Variants in INO80D observed in about 807,000 individuals in gnomAD.
INO80D encodes INO80 complex subunit D.
A neutral mutation model predicts 87.6 loss-of-function variants in INO80D; 21 were observed. That is an observed-to-expected ratio of 0.24 (90% CI 0.17 to 0.35). The LOEUF (loss-of-function observed/expected upper bound fraction) is 0.35. Ranked by LOEUF, INO80D falls within the 10% of genes least tolerant of loss-of-function variation. The pLI is 1.00. For synonymous variants in INO80D, 440 were observed against 491.0 expected, an observed-to-expected ratio of 0.90 and a Z score of 1.37; for missense variants, 982 against 1,280.7, an observed-to-expected ratio of 0.77 and a Z score of 3.56.
intron 5 of INO80D, among the ~76,000 whole-genome samples, chr2:206,037,494 A>C (rs1270036896): frequency 3.3e-4 from 50 of 152,228 alleles, no homozygotes; most frequent in Non-Finnish European, 4.4e-5. Flanking sequence ...CGTGATGAGA[A>C]ATATCCAACG....
chr2:206,084,331 G>A (rs1690375001), intron 1 of INO80D, among the ~76,000 whole-genome samples: 1 of 151,808 alleles, frequency 6.6e-6, no homozygotes, highest in Admixed American at 6.6e-5. Flanking sequence ...ACCCTTCTGA[G>A]TTGTAGCAAT....
At position 206,004,607 on chromosome 2, in the gene INO80D, G is replaced by A. The variant is rs761818867; in HGVS notation, c.2845C>T (p.Pro949Ser). The change falls in exon 11 of 11, where the codon CCA becomes TCA. Residue 949 changes from proline (P) to serine (S), a missense_variant. Physicochemically the swap from Pro to Ser is moderately conservative, Grantham distance 74 (BLOSUM62 -1). Coordinates refer to ENST00000403263, the MANE Select transcript of INO80D (RefSeq NM_017759.5). This position sits in a 1 kb window ranked among gnomAD's most constrained non-coding sequence, Gnocchi z 4.9. ...CCCATGCCACTGAAGCTGGTCTGTG[G>A]TAACCCCGGAAGCACACTGGAGCTG... ...PSSSSVLPGL[P>S]QTSFSGMGPS... is the part of the protein sequence containing the mutation. 9.9e-6 allele frequency: 16 copies of A among 1,612,716 alleles called. No individual in the cohort carries two copies. Among genetic ancestry groups the A allele is most frequent in the African/African-American group, 1.3e-5 (1 of 75,008 alleles).
chr2:206,037,794 C>G (rs1161786554), intron 5 of INO80D, among the ~76,000 whole-genome samples: 3 of 152,158 alleles, frequency 2.0e-5, no homozygotes, highest in Non-Finnish European at 4.4e-5. Flanking sequence ...GATAACAGCA[C>G]TATTCAGAAT....
chr2:206,007,125 G>T (rs1688047895), intron 10 of INO80D, among the ~76,000 whole-genome samples, 159 bp downstream of exon 10: 1 of 152,226 alleles, frequency 6.6e-6, no homozygotes, highest in African/African-American at 2.4e-5. Context: ...CTTATCTTCT[G>T]AAAGGGTTAA....
At chr2:206,045,866 C>T (rs1283740794) in intron 5 of INO80D, among the ~76,000 whole-genome samples, 2 of 152,142 alleles carry the variant, frequency 1.3e-5, no homozygotes, top group African/African-American at 4.8e-5. Flanking sequence ...CTCCACGTAG[C>T]CCCCCAAGGG....
chr2:206,023,680 T>TAAAA (rs55665575), intron 6 of INO80D, among the ~76,000 whole-genome samples: 2 of 101,502 alleles, frequency 2.0e-5, no homozygotes, highest in Non-Finnish European at 2.0e-5. Context: ...GAGACTCATC[T>TAAAA]AAAAAAAAAA....
chr2:206,056,077 C>G (rs748630615), intron 4 of INO80D, 121 bp downstream of exon 4: 5 of 946,530 alleles, frequency 5.3e-6, no homozygotes, highest in Non-Finnish European at 7.8e-6. Flanking sequence ...CACTGCACCA[C>G]TCTGCCTCAT....
rs558081103 is a variant in INO80D at position 206,055,101 on chromosome 2, G to A, written c.964+1097C>T. Among the ~76,000 whole-genome samples the A allele has an allele frequency of 1.1e-4, 17 of 152,302 alleles. No homozygotes were observed. In the South Asian group the frequency reaches 3.5e-3, roughly 32 times the overall value. ...GTATTTCCTGCCTGCTGAGAGGATT[G>A]AGGTATTCATTTGTTTATTGACTAT... On this transcript the variant is annotated intron_variant, in intron 4 of 10. Transcript: ENST00000403263.
chr2:206,034,575 G>C (rs1237444778), intron 5 of INO80D, among the ~76,000 whole-genome samples: 1 of 152,016 alleles, frequency 6.6e-6, no homozygotes, highest in African/African-American at 2.4e-5. Flanking sequence ...AGCAAAATTG[G>C]CATACAAGGG....
At chr2:206,076,450 C>A (rs2105907877) in intron 1 of INO80D, among the ~76,000 whole-genome samples, 2 of 152,096 alleles carry the variant, frequency 1.3e-5, no homozygotes, top group Non-Finnish European at 2.9e-5. Context: ...ATTTTAAGAA[C>A]CAAACATCTA....
chr2:206,006,682 CAAAA>C (rs141777082), intron 10 of INO80D, among the ~76,000 whole-genome samples: 2 of 97,168 alleles, frequency 2.1e-5, no homozygotes, highest in Non-Finnish European at 2.2e-5. Flanking sequence ...GACTCCATCT[CAAAA>C]AAAAAAAAAA....
In INO80D at chr2:206,062,900, G is replaced by A. The variant is rs936652971; in HGVS notation, c.117C>T (p.His39=). Residue 39 remains histidine (H), a synonymous_variant, in exon 3 of 11, where the codon CAC becomes CAT. Transcript: ENST00000403263. The surrounding 1 kb of genome is among the most constrained non-coding windows in gnomAD (Gnocchi z 4.6). The part of the protein sequence containing the change: ...RLNGYAFCIR[H]VLEDKTAPFK... ...AGGGGGCAGTCTTGTCCTCCAGAACGTGTCTGATACAGAAGGCGTAGCCGT... is the reference window on the plus strand; with the variant it reads ...AGGGGGCAGTCTTGTCCTCCAGAACATGTCTGATACAGAAGGCGTAGCCGT... 44 of 1,613,198 alleles carry A rather than the reference G, an allele frequency of 2.7e-5. No homozygotes were observed. Among genetic ancestry groups the A allele is most frequent in the Admixed American group, 5.0e-5 (3 of 59,718 alleles).
At chr2:206,032,255 C>T (rs189959043) in intron 5 of INO80D, among the ~76,000 whole-genome samples, 2 of 152,218 alleles carry the variant, frequency 1.3e-5, no homozygotes, top group African/African-American at 4.8e-5. Flanking sequence ...CAAAGCCCCT[C>T]TCTTTTGCAG....
At position 206,005,435 on chromosome 2, in the gene INO80D, C is replaced by T; in HGVS notation, c.2017G>A (p.Val673Ile). The stretch of plus-strand genomic sequence containing the variant: ...GGCACACCATCTGACTGGGCAAGGA[C>T]CCCAATGGTACTCAGGCACTCGAGA... ...TSLECLSTIGVLAQSDGVPVQ... is the reference protein window; with the variant it reads ...TSLECLSTIGILAQSDGVPVQ... The change falls in exon 11 of 11, where the codon GTC becomes ATC. Residue 673 changes from valine (V) to isoleucine (I), a missense_variant. Coordinates refer to ENST00000403263, the MANE Select transcript of INO80D (RefSeq NM_017759.5). The T allele has an allele frequency of 1.9e-6, 3 of 1,613,954 alleles. No homozygotes were observed. Among genetic ancestry groups the T allele is most frequent in the East Asian group, 2.2e-5 (1 of 44,876 alleles).
intron 8 of INO80D, among the ~76,000 whole-genome samples, chr2:206,014,356 T>C (rs1688262941): frequency 6.6e-6 from 1 of 152,172 alleles, no homozygotes; most frequent in African/African-American, 2.4e-5. Flanking sequence ...TGGTTCTGTG[T>C]CCCCACCCAA....
At chr2:206,080,838 G>C (rs1690259244) in intron 1 of INO80D, among the ~76,000 whole-genome samples, 1 of 137,684 alleles carries the variant, frequency 7.3e-6, no homozygotes, top group South Asian at 2.3e-4. Flanking sequence ...GGGAGGTGAA[G>C]CTTGCAGTGA....
intron 3 of INO80D, among the ~76,000 whole-genome samples, chr2:206,058,020 T>C (rs1689573954): frequency 1.3e-5 from 2 of 152,186 alleles, no homozygotes; most frequent in South Asian, 4.1e-4. Flanking sequence ...TTTCATTTGT[T>C]GATGTCATGT....
chr2:206,010,658 A>G (rs1688147869), intron 8 of INO80D, among the ~76,000 whole-genome samples: 1 of 152,238 alleles, frequency 6.6e-6, no homozygotes, highest in Non-Finnish European at 1.5e-5. Context: ...AATTGAAAAC[A>G]AGAAAGAATA....
At chr2:206,037,012 A>C (rs2105848207) in intron 5 of INO80D, among the ~76,000 whole-genome samples, 1 of 152,322 alleles carries the variant, frequency 6.6e-6, no homozygotes, top group Admixed American at 6.5e-5. Context: ...GATGAAGAGT[A>C]GAGAATTGAG....
Sources: gnomAD v4.1 joint callset for allele counts (sites outside exome capture counted in the v4.1 genomes callset) on GRCh38, gnomAD v4.1.1 for gene constraint, Gnocchi (gnomAD v3.1) non-coding constraint, MANE v1.5 for transcripts, NCBI Gene and HGNC (gene_info 2026-07-23, HGNC 2026-07-21) for gene names.